CUBN: variants seen among roughly 807,000 people sequenced by gnomAD.
CUBN encodes cubilin, also known as 460 kDa receptor.
Under a neutral mutation model 405.3 loss-of-function variants are expected in CUBN, and 282 were observed. That is an observed-to-expected ratio of 0.70 (90% CI 0.63 to 0.77). The LOEUF (loss-of-function observed/expected upper bound fraction) is 0.77. Ranked by LOEUF, CUBN falls within the 30% of genes least tolerant of loss-of-function variation. CUBN has a pLI of 0.00. For missense variants in CUBN, 4,514 were observed against 4,475.2 expected, an observed-to-expected ratio of 1.01 and a Z score of -0.25; for synonymous variants, 1,684 against 1,617.0, an observed-to-expected ratio of 1.04 and a Z score of -0.99.
rs535220382 is a variant in CUBN at position 16,931,073 on chromosome 10, A to T, written c.6124+2014T>A. Among the ~76,000 whole-genome samples the T allele has an allele frequency of 1.3e-3, 200 of 151,654 alleles. 1 individual carries two copies. The highest frequency in any genetic ancestry group is 8.8e-3 in the South Asian group (42 of 4,788). The stretch of plus-strand genomic sequence containing the variant: ...AGATCAAGACCATCCTGGTTAACAC[A>T]GTGAAACCCCACCTCTACTAAAAAT... On this transcript the variant is annotated intron_variant, in intron 40 of 66. Coordinates refer to ENST00000377833, the MANE Select transcript of CUBN (RefSeq NM_001081.4).
At position 17,129,633 on chromosome 10, in the gene CUBN, T is replaced by A; in HGVS notation, c.122+11A>T. The A allele has an allele frequency of 3.1e-6, 5 of 1,614,206 alleles. No individual in the cohort carries two copies. Among genetic ancestry groups the A allele is most frequent in the Non-Finnish European group, 4.2e-6 (5 of 1,180,012 alleles). On this transcript the variant is annotated intron_variant, in intron 1 of 66. Coordinates refer to ENST00000377833, the MANE Select transcript of CUBN (RefSeq NM_001081.4). ...AGTCCCTGAGCAGGAATGACCCATGTGTTTACTTACTGTTGGAGATTGATG... is the reference window on the plus strand; with the variant it reads ...AGTCCCTGAGCAGGAATGACCCATGAGTTTACTTACTGTTGGAGATTGATG...
chr10:16,946,598 G>T (rs916912035), intron 36 of CUBN, among the ~76,000 whole-genome samples: 5 of 150,902 alleles, frequency 3.3e-5, no homozygotes, highest in African/African-American at 4.9e-5. Context: ...CAGGTTCAGG[G>T]CATTCTCCTG....
chr10:16,991,657 T>C (rs1373396107), intron 28 of CUBN, among the ~76,000 whole-genome samples: 1 of 151,470 alleles, frequency 6.6e-6, no homozygotes, highest in Non-Finnish European at 1.5e-5. Flanking sequence ...AAATATTCTT[T>C]ATTGGTTGGT....
intron 65 of CUBN, 67 bp from the exon 66 acceptor site, chr10:16,829,107 G>A (rs1838887325): frequency 1.7e-6 from 2 of 1,152,682 alleles, no homozygotes; most frequent in Non-Finnish European, 2.6e-6. Flanking sequence ...GGCTTGTTAG[G>A]CAATAAGACT....
intron 59 of CUBN, among the ~76,000 whole-genome samples, chr10:16,853,775 G>A (rs1164172558): frequency 6.6e-6 from 1 of 152,234 alleles, no homozygotes; most frequent in African/African-American, 2.4e-5. Flanking sequence ...GAGGGTTGGA[G>A]TTTGTGGAGT....
In CUBN at chr10:16,994,347, C is replaced by A. The variant is rs187052695; in HGVS notation, c.4169-3832G>T. 1.7e-4 allele frequency among the ~76,000 whole-genome samples: 26 copies of A among 151,964 alleles called. 1 individual carries two copies. Among genetic ancestry groups the A allele is most frequent in the Admixed American group, 1.7e-3 (26 of 15,264 alleles). The stretch of plus-strand genomic sequence containing the variant: ...CATGTCTTCTTGCAAGTTATTAAAC[C>A]CTTTTTGCTTCTCCTTCAGTTTACT... On this transcript the variant is annotated intron_variant, in intron 28 of 66. Coordinates refer to ENST00000377833, the MANE Select transcript of CUBN (RefSeq NM_001081.4).
intron 59 of CUBN, among the ~76,000 whole-genome samples, chr10:16,854,932 T>TCCTTCCTC (rs1839824594): frequency 2.0e-5 from 3 of 150,694 alleles, no homozygotes; most frequent in Non-Finnish European, 3.0e-5. Context: ...CTTCCTTCCT[T>TCCTTCCTC]CCTCCCTCCC....
chr10:17,115,733 T>A, intron 6 of CUBN, 136 bp from the exon 7 acceptor site: 1 of 1,064,256 alleles, frequency 9.4e-7, no homozygotes. Flanking sequence ...CAATGCAAAT[T>A]TACTGACTGG....
chr10:17,018,234 G>C (rs1276622449), intron 28 of CUBN, among the ~76,000 whole-genome samples: 1 of 152,170 alleles, frequency 6.6e-6, no homozygotes, highest in African/African-American at 2.4e-5. Context: ...AAATAGGACA[G>C]AATAGCAAGC....
At chr10:17,103,901 T>C (rs1387438317) in intron 12 of CUBN, among the ~76,000 whole-genome samples, 2 of 152,094 alleles carry the variant, frequency 1.3e-5, no homozygotes, top group Non-Finnish European at 2.9e-5. Flanking sequence ...TGGGGTCCGG[T>C]GACGAAAGAA....
chr10:17,017,057 G>C (rs1035217837), intron 28 of CUBN, among the ~76,000 whole-genome samples: 1 of 152,062 alleles, frequency 6.6e-6, no homozygotes, highest in Non-Finnish European at 1.5e-5. Context: ...CAGGGTTTGC[G>C]GGTCAAATTG....
In CUBN at chr10:16,904,060, C is replaced by CA. The variant is rs781615998; in HGVS notation, c.7967dup (p.Leu2656PhefsTer41). 257 of 1,613,736 alleles carry CA rather than the reference C, an allele frequency of 1.6e-4. No individual in the cohort carries two copies. The highest frequency in any genetic ancestry group is 3.7e-4 in the Admixed American group (22 of 59,992). ...CCTGAGAATAAGGTATAACCAATGG[C>CA]AATGTAGGCTTTGAAGGACCACAAA... On this transcript the variant is annotated frameshift_variant, in exon 51 of 67. Transcript: ENST00000377833. LOFTEE classifies it high-confidence loss of function.
At chr10:17,016,993 G>C (rs1834344601) in intron 28 of CUBN, among the ~76,000 whole-genome samples, 1 of 152,124 alleles carries the variant, frequency 6.6e-6, no homozygotes, top group African/African-American at 2.4e-5. Flanking sequence ...CCCCATCAGA[G>C]AGAGAATATT....
intron 17 of CUBN, among the ~76,000 whole-genome samples, chr10:17,078,974 C>G (rs1167655672): frequency 6.6e-6 from 1 of 152,106 alleles, no homozygotes; most frequent in Non-Finnish European, 1.5e-5. Context: ...TCAAACACAG[C>G]AAAAATGTAT....
chr10:17,066,178 T>C (rs113256149), intron 21 of CUBN, among the ~76,000 whole-genome samples: 3 of 152,182 alleles, frequency 2.0e-5, no homozygotes, highest in African/African-American at 7.2e-5. Flanking sequence ...AGGGAATCTA[T>C]TGTCCTTAAA....
At chr10:16,954,267 AT>A (rs2131633290) in intron 32 of CUBN, 121 bp downstream of exon 32, 1 of 1,154,572 alleles carries the variant, frequency 8.7e-7, no homozygotes, top group South Asian at 1.2e-5. Context: ...GTTCTATTTA[AT>A]TTTTTACATG....
intron 1 of CUBN, 139 bp from the exon 2 acceptor site, chr10:17,129,389 C>T: frequency 9.5e-7 from 1 of 1,051,526 alleles, no homozygotes; most frequent in Non-Finnish European, 1.4e-6. Context: ...TGCCCCTGCT[C>T]ATCTGCCACT....
At position 17,111,040 on chromosome 10, in the gene CUBN, G is replaced by A. The variant is rs1461646989; in HGVS notation, c.894C>T (p.Gly298=). Residue 298 remains glycine, a synonymous_variant, in exon 9 of 67, where the codon GGC becomes GGT. Transcript: ENST00000377833. ...TGATATCTTCGCAAATATATCCATT[G>A]CCTTGCCAGCCTAGGAAAACAAGAG... ...YCGACPTGWQ[G]NGYICEDINE... is the part of the protein sequence containing the mutation. The A allele has an allele frequency of 1.2e-6, 2 of 1,614,068 alleles. No individual in the cohort carries two copies. Among genetic ancestry groups the A allele is most frequent in the Non-Finnish European group, 1.7e-6 (2 of 1,179,986 alleles).
Position 16,886,409 on chromosome 10 carries a change from C to T in CUBN, c.8905+2008G>A, listed in dbSNP as rs953985351. On this transcript the variant is annotated intron_variant, in intron 56 of 66. Transcript: ENST00000377833. ...AGACTAACCCAAGAGTAAGAAATTTCGAATATACCGAGGTAGCTTGACAAA... is the reference window on the plus strand; with the variant it reads ...AGACTAACCCAAGAGTAAGAAATTTTGAATATACCGAGGTAGCTTGACAAA... 2.0e-5 allele frequency among the ~76,000 whole-genome samples: 3 copies of T among 152,130 alleles called. No homozygotes were observed. The East Asian group carries it at 5.8e-4, about 29-fold the overall frequency.
Sources: gnomAD v4.1 joint callset for allele counts (sites outside exome capture counted in the v4.1 genomes callset) on GRCh38, gnomAD v4.1.1 for gene constraint, MANE v1.5 for transcripts, NCBI Gene and HGNC (gene_info 2026-07-23, HGNC 2026-07-21) for gene names.